ACTN4: variants seen among roughly 807,000 people sequenced by gnomAD.
The protein encoded by ACTN4 is alpha-actinin-4.
In ACTN4, 18 loss-of-function variants were observed where a neutral mutation model predicts 114.2. The ratio of observed to expected loss-of-function variants is 0.16; its 90% CI spans 0.11 to 0.23. The LOEUF is 0.23. ACTN4 is among the 10% of genes least tolerant of loss of function. ACTN4 has a pLI of 1.00. For synonymous variants in ACTN4, 515 were observed against 506.3 expected, an observed-to-expected ratio of 1.02 and a Z score of -0.23; for missense variants, 722 against 1,262.9, an observed-to-expected ratio of 0.57 and a Z score of 6.49.
chr19:38,700,064 C>A (rs1299403391), intron 1 of ACTN4, among the ~76,000 whole-genome samples: 1 of 152,118 alleles, frequency 6.6e-6, no homozygotes, highest in African/African-American at 2.4e-5. Context: ...GGAGAGCAGC[C>A]ACGGGTCACG....
At position 38,731,561 on chromosome 19, in the gene ACTN4, A is replaced by T; in HGVS notation, c.*2129A>T. On this transcript the variant is annotated 3_prime_UTR_variant, in exon 21 of 21. Transcript: ENST00000252699. The stretch of plus-strand genomic sequence containing the variant: ...TGGGCACTGGAGGATATTTCTGTGC[A>T]GCAAAAAATATAGTCAATCCCATAT... 2.7e-6 allele frequency: 1 copy of T among 365,740 alleles called. No homozygotes were observed. Among genetic ancestry groups the T allele is most frequent in the Non-Finnish European group, 5.2e-6 (1 of 192,128 alleles). 22.7% of individuals were successfully genotyped at this position (365,740 alleles called of 1,614,324 possible).
At position 38,668,743 on chromosome 19, in the gene ACTN4, C is replaced by T. The variant is rs532654526; in HGVS notation, c.162+20836C>T. 3.9e-5 allele frequency among the ~76,000 whole-genome samples: 6 copies of T among 151,964 alleles called. No individual in the cohort carries two copies. In the South Asian group the frequency reaches 1.2e-3, roughly 32 times the overall value. The stretch of plus-strand genomic sequence containing the variant: ...CAATGAATTGCATGATGGAAGTGAA[C>T]AGTGTTAGGGCGATATGCAGATGTA... On this transcript the variant is annotated intron_variant, in intron 1 of 20. Coordinates refer to ENST00000252699, the MANE Select transcript of ACTN4 (RefSeq NM_004924.6).
chr19:38,684,722 T>G (rs912015958), intron 1 of ACTN4, among the ~76,000 whole-genome samples: 1 of 152,214 alleles, frequency 6.6e-6, no homozygotes, highest in African/African-American at 2.4e-5. Context: ...CTATAATTAC[T>G]CTTTGGCTAT....
rs1198648412 is a variant in ACTN4 at position 38,700,687 on chromosome 19, C to G, written c.250C>G (p.Leu84Val). Residue 84 changes from leucine to valine, a missense_variant, in exon 2 of 21, where the codon CTC becomes GTC. Transcript: ENST00000252699. ...IDEDFRDGLK[L>V]MLLLEVISGE... The stretch of plus-strand genomic sequence containing the variant: ...TGAGGACTTCCGAGACGGGCTCAAG[C>G]TCATGCTGCTCCTGGAGGTCATATC... 6.2e-7 allele frequency: 1 copy of G among 1,614,080 alleles called. No homozygotes were observed. Among genetic ancestry groups the G allele is most frequent in the Admixed American group, 1.7e-5 (1 of 60,030 alleles).
In ACTN4 at chr19:38,727,135, C is replaced by T. The variant is rs1399145415; in HGVS notation, c.2337+32C>T. ...AGCCTGCCACCTCCTCGGCCTCTCC[C>T]CTCCCGCCGTTGCCGTACCAGCCCA... On this transcript the variant is annotated intron_variant, in intron 18 of 20. Transcript: ENST00000252699. The surrounding 1 kb of genome is among the most constrained non-coding windows in gnomAD (Gnocchi z 5.4). 1 of 1,613,054 alleles carries T rather than the reference C, an allele frequency of 6.2e-7. No homozygotes were observed. The highest frequency in any genetic ancestry group is 8.5e-7 in the Non-Finnish European group (1 of 1,179,902).
chr19:38,713,410 C>G (rs1440589513), intron 8 of ACTN4, among the ~76,000 whole-genome samples: 2 of 152,156 alleles, frequency 1.3e-5, no homozygotes, highest in South Asian at 2.1e-4. Context: ...CCTCTGTGAC[C>G]CCCACAAGCT....
chr19:38,688,024 T>C (rs1967801879), intron 1 of ACTN4, among the ~76,000 whole-genome samples: 1 of 137,634 alleles, frequency 7.3e-6, no homozygotes, highest in Non-Finnish European at 1.7e-5. Context: ...ATGTCATTAC[T>C]AATTAGGGCA....
At chr19:38,673,456 C>CATATATATTT (rs1398437848) in intron 1 of ACTN4, among the ~76,000 whole-genome samples, 2,387 of 71,764 alleles carry the variant, frequency 0.033, 86 homozygotes, top group Middle Eastern at 0.058. Flanking sequence ...TATATATATT[C>CATATATATTT]ATATATATTT....
At chr19:38,719,503 T>C (rs1412982527) in intron 11 of ACTN4, among the ~76,000 whole-genome samples, 1 of 151,848 alleles carries the variant, frequency 6.6e-6, no homozygotes, top group Non-Finnish European at 1.5e-5. Context: ...CAGGAAAGAG[T>C]GCGAGTGAGA....
At chr19:38,666,019 G>A (rs1311830685) in intron 1 of ACTN4, among the ~76,000 whole-genome samples, 1 of 152,120 alleles carries the variant, frequency 6.6e-6, no homozygotes, top group Admixed American at 6.5e-5. Flanking sequence ...GTCAGATGGG[G>A]CCAAGAGGTG....
chr19:38,700,198 G>T (rs897702320), intron 1 of ACTN4, among the ~76,000 whole-genome samples: 7 of 152,294 alleles, frequency 4.6e-5, no homozygotes, highest in South Asian at 4.1e-4. Context: ...CGAGCCTGGT[G>T]CTCAGTCATG....
intron 1 of ACTN4, among the ~76,000 whole-genome samples, chr19:38,691,721 G>T (rs897057162): frequency 6.6e-6 from 1 of 151,978 alleles, no homozygotes; most frequent in Non-Finnish European, 1.5e-5. Flanking sequence ...TGGCCAACAT[G>T]GCAGAAACCC....
In ACTN4 at chr19:38,725,691, G is replaced by C. The variant is rs535525560; in HGVS notation, c.2011-33G>C. ...GTGGTCAGTGGGGGCAGGCCCACCA[G>C]CCTCACCCCACCGCCTGCACCCACC... On this transcript the variant is annotated intron_variant, in intron 16 of 20. Coordinates refer to ENST00000252699, the MANE Select transcript of ACTN4 (RefSeq NM_004924.6). The C allele has an allele frequency of 1.9e-5, 31 of 1,608,464 alleles. No individual in the cohort carries two copies. The African/African-American group carries it at 4.0e-4, about 21-fold the overall frequency.
chr19:38,722,007 T>C, intron 12 of ACTN4: 1 of 443,132 alleles, frequency 2.3e-6, no homozygotes, highest in Non-Finnish European at 4.2e-6. Flanking sequence ...AAGTAGGCCC[T>C]GGTCCCCTGA....
At chr19:38,682,622 C>G (rs2144927282) in intron 1 of ACTN4, among the ~76,000 whole-genome samples, 1 of 152,336 alleles carries the variant, frequency 6.6e-6, no homozygotes, top group Non-Finnish European at 1.5e-5. Context: ...CCACACACGG[C>G]CACTGGGATT....
At chr19:38,687,417 T>C (rs779770903) in intron 1 of ACTN4, among the ~76,000 whole-genome samples, 2 of 152,220 alleles carry the variant, frequency 1.3e-5, no homozygotes, top group African/African-American at 2.4e-5. Flanking sequence ...CTTGAGGGAA[T>C]CTGTCTCATT....
chr19:38,673,784 A>AT lies in ACTN4; in HGVS notation c.162+25897dup, dbSNP rs58144950. 5.1e-3 allele frequency among the ~76,000 whole-genome samples: 349 copies of AT among 67,834 alleles called. 10 individuals carry two copies. The highest frequency in any genetic ancestry group is 0.013 in the South Asian group (32 of 2,496). The allele number at this position is 67,834 out of a possible 152,430, so 44.5% of individuals were successfully genotyped here. A position where few individuals can be genotyped will look rare whatever the true frequency, so the allele number is the denominator to read the frequency against. The stretch of plus-strand genomic sequence containing the variant: ...ATATATATATATTTATATATGTATA[A>AT]TTTTTTTTTTTTTTTTTTTTGTGAT... On this transcript the variant is annotated intron_variant, in intron 1 of 20. Transcript: ENST00000252699.
At chr19:38,656,185 G>GC (rs1230673712) in intron 1 of ACTN4, among the ~76,000 whole-genome samples, 1 of 152,054 alleles carries the variant, frequency 6.6e-6, no homozygotes, top group Non-Finnish European at 1.5e-5. Flanking sequence ...AACAATCTTG[G>GC]CTCACTGAAG....
chr19:38,715,503 A>G (rs949175595), intron 9 of ACTN4, among the ~76,000 whole-genome samples: 1 of 152,188 alleles, frequency 6.6e-6, no homozygotes, highest in Non-Finnish European at 1.5e-5. Flanking sequence ...TAAAATAAAA[A>G]TAAAATAAAA....
Sources: gnomAD v4.1 joint callset for allele counts (sites outside exome capture counted in the v4.1 genomes callset) on GRCh38, gnomAD v4.1.1 for gene constraint, Gnocchi (gnomAD v3.1) non-coding constraint, MANE v1.5 for transcripts, NCBI Gene and HGNC (gene_info 2026-07-23, HGNC 2026-07-21) for gene names.